GALNT18: variants seen among roughly 807,000 people sequenced by gnomAD.
GALNT18 encodes the protein GalNAc-transferase 18.
A neutral mutation model predicts 69.5 loss-of-function variants in GALNT18; 44 were observed. The ratio of observed to expected loss-of-function variants is 0.63; its 90% CI spans 0.50 to 0.81. GALNT18 has a LOEUF of 0.81. Ranked by LOEUF, GALNT18 falls within the 40% of genes least tolerant of loss-of-function variation. The probability of loss-of-function intolerance (pLI) is 0.00; values close to 1 mark genes in which losing one functional copy is unlikely to be tolerated. For synonymous variants in GALNT18, 364 were observed against 318.2 expected, an observed-to-expected ratio of 1.14 and a Z score of -1.53; for missense variants, 715 against 810.0, an observed-to-expected ratio of 0.88 and a Z score of 1.42.
intron 10 of GALNT18, among the ~76,000 whole-genome samples, chr11:11,275,438 C>T (rs1207211943): frequency 6.6e-6 from 1 of 151,986 alleles, no homozygotes; most frequent in Non-Finnish European, 1.5e-5. Context: ...GGATATTAGC[C>T]CTTTGTCAGA....
chr11:11,497,327 A>AACACACACACAC lies in GALNT18; in HGVS notation c.236-48403_236-48392dup, dbSNP rs61001797. Among the ~76,000 whole-genome samples, 5,853 of 132,188 alleles carry AACACACACACAC rather than the reference A, an allele frequency of 0.044. 191 individuals are homozygous for AACACACACACAC. The highest frequency in any genetic ancestry group is 0.052 in the Middle Eastern group (12 of 232). The allele number at this position is 132,188 out of a possible 152,430, so 86.7% of individuals were successfully genotyped here. A position where few individuals can be genotyped will look rare whatever the true frequency, so the allele number is the denominator to read the frequency against. On this transcript the variant is annotated intron_variant, in intron 1 of 10. Transcript: ENST00000227756. The surrounding 1 kb of genome is among the most constrained non-coding windows in gnomAD (Gnocchi z 4.2). ...TATTTATGTTTTACCTCCTGTCTCC[A>AACACACACACAC]ACACACACACACACACACACACACA...
chr11:11,554,080 T>A (rs1858268667), intron 1 of GALNT18, among the ~76,000 whole-genome samples: 4 of 152,122 alleles, frequency 2.6e-5, no homozygotes, highest in Admixed American at 2.0e-4. Flanking sequence ...TTCTGTTGAG[T>A]GATGCGTCCT....
intron 1 of GALNT18, among the ~76,000 whole-genome samples, chr11:11,502,982 C>T (rs1180784975): frequency 6.6e-6 from 1 of 152,170 alleles, no homozygotes; most frequent in Non-Finnish European, 1.5e-5. Context: ...CAGTTCCCGT[C>T]AAAATGTTTG....
At chr11:11,343,881 A>G (rs1157453587) in intron 6 of GALNT18, among the ~76,000 whole-genome samples, 2 of 152,162 alleles carry the variant, frequency 1.3e-5, no homozygotes, top group Non-Finnish European at 2.9e-5. Context: ...GGCTCCTCCC[A>G]TCGTGCCTTT....
chr11:11,385,505 C>T (rs1319182201), intron 3 of GALNT18, among the ~76,000 whole-genome samples: 1 of 152,116 alleles, frequency 6.6e-6, no homozygotes, highest in African/African-American at 2.4e-5. Context: ...CCATGTTAGC[C>T]AGGATGGTCT....
At position 11,563,975 on chromosome 11, in the gene GALNT18, T is replaced by C. The variant is rs1858580021; in HGVS notation, c.235+57384A>G. The stretch of plus-strand genomic sequence containing the variant: ...TATAAAGAGCTATGCTGATCTGACA[T>C]GATGGCTTGCTCCAACGCCCTAAAA... On this transcript the variant is annotated intron_variant, in intron 1 of 10. Transcript: ENST00000227756. The surrounding 1 kb of genome is among the most constrained non-coding windows in gnomAD (Gnocchi z 4.6). 1.3e-5 allele frequency among the ~76,000 whole-genome samples: 2 copies of C among 152,176 alleles called. No homozygotes were observed. The highest frequency in any genetic ancestry group is 4.8e-5 in the African/African-American group (2 of 41,452).
At chr11:11,361,717 G>A (rs1275428540) in intron 6 of GALNT18, among the ~76,000 whole-genome samples, 1 of 152,122 alleles carries the variant, frequency 6.6e-6, no homozygotes, top group Non-Finnish European at 1.5e-5. Flanking sequence ...TGACTGGTCT[G>A]TAAATTCAAA....
At chr11:11,466,908 G>C (rs1195907838) in intron 1 of GALNT18, among the ~76,000 whole-genome samples, 1 of 152,192 alleles carries the variant, frequency 6.6e-6, no homozygotes, top group Non-Finnish European at 1.5e-5. Context: ...GCAGATCAAT[G>C]AAAGGACCCA....
rs1006373488 is a variant in GALNT18, at chr11:11,500,301, G to A, written c.236-51365C>T. On this transcript the variant is annotated intron_variant, in intron 1 of 10. Coordinates refer to ENST00000227756, the MANE Select transcript of GALNT18 (RefSeq NM_198516.3). The surrounding 1 kb of genome is among the most constrained non-coding windows in gnomAD (Gnocchi z 5.0). ...CCTCCCGGGAGTCCCTAATACTGGC[G>A]GACAGAGATGGGTTTCAAATCCCAA... 6.6e-6 allele frequency among the ~76,000 whole-genome samples: 1 copy of A among 152,148 alleles called. No homozygotes were observed. Among genetic ancestry groups the A allele is most frequent in the African/African-American group, 2.4e-5 (1 of 41,422 alleles).
intron 10 of GALNT18, among the ~76,000 whole-genome samples, chr11:11,278,943 T>C (rs1028044071): frequency 1.3e-5 from 2 of 152,240 alleles, no homozygotes; most frequent in Non-Finnish European, 2.9e-5. Context: ...TATGCCTGTA[T>C]GACAGCATTA....
chr11:11,608,302 G>A (rs1222784538), intron 1 of GALNT18, among the ~76,000 whole-genome samples: 2 of 152,154 alleles, frequency 1.3e-5, no homozygotes, highest in African/African-American at 4.8e-5. Flanking sequence ...AAGGGAACTT[G>A]TTGTCCCCGG....
At chr11:11,428,613 C>G (rs1357508754) in intron 3 of GALNT18, among the ~76,000 whole-genome samples, 1 of 152,220 alleles carries the variant, frequency 6.6e-6, no homozygotes, top group Non-Finnish European at 1.5e-5. Flanking sequence ...TCTTCCTCCT[C>G]AGAGGCCCTG....
In GALNT18 at chr11:11,619,612, C is replaced by G. The variant is rs1486687949; in HGVS notation, c.235+1747G>C. 6.6e-6 allele frequency among the ~76,000 whole-genome samples: 1 copy of G among 152,164 alleles called. No individual in the cohort carries two copies. Among genetic ancestry groups the G allele is most frequent in the Non-Finnish European group, 1.5e-5 (1 of 68,030 alleles). ...CATTTTCCAGGAACACACACACACACAGAATCTGTGAATGAAAATCTCAAA... is the reference window on the plus strand; with the variant it reads ...CATTTTCCAGGAACACACACACACAGAGAATCTGTGAATGAAAATCTCAAA... On this transcript the variant is annotated intron_variant, in intron 1 of 10. Transcript: ENST00000227756. The surrounding 1 kb of genome is among the most constrained non-coding windows in gnomAD (Gnocchi z 4.9).
At chr11:11,283,529 T>C (rs556867794) in intron 10 of GALNT18, among the ~76,000 whole-genome samples, 1 of 152,120 alleles carries the variant, frequency 6.6e-6, no homozygotes, top group African/African-American at 2.4e-5. Flanking sequence ...GCACAGAGCA[T>C]TGGAGGAAGG....
rs769692189 is a variant in GALNT18 at position 11,621,607 on chromosome 11, C to T, written c.-14G>A. On this transcript the variant is annotated 5_prime_UTR_variant, in exon 1 of 11. Coordinates refer to ENST00000227756, the MANE Select transcript of GALNT18 (RefSeq NM_198516.3). The surrounding 1 kb of genome is among the most constrained non-coding windows in gnomAD (Gnocchi z 9.3). Reference sequence around the variant, plus strand: ...GGTGCACACCATTCTGGGCTCCTTCCTCCATATAGAGCTCCCGGGGGCCCT... The same window carrying T: ...GGTGCACACCATTCTGGGCTCCTTCTTCCATATAGAGCTCCCGGGGGCCCT... 1.2e-5 allele frequency: 19 copies of T among 1,560,646 alleles called. No homozygotes were observed. The highest frequency in any genetic ancestry group is 7.6e-5 in the Admixed American group (4 of 52,706).
chr11:11,476,085 G>A (rs924092428), intron 1 of GALNT18: 1 of 152,164 alleles, frequency 6.6e-6, no homozygotes, highest in Non-Finnish European at 1.5e-5. Flanking sequence ...TTCCCTTCTG[G>A]TCCCCTGAAG....
intron 2 of GALNT18, among the ~76,000 whole-genome samples, chr11:11,437,963 G>A (rs1378865751): frequency 5.3e-5 from 8 of 152,164 alleles, no homozygotes; most frequent in Admixed American, 5.2e-4. Context: ...TCCTGGTCCT[G>A]CTTTCTCCCC....
In GALNT18 at chr11:11,584,715, A is replaced by T. The variant is rs75573093; in HGVS notation, c.235+36644T>A. Among the ~76,000 whole-genome samples, 4,638 of 152,294 alleles carry T rather than the reference A, an allele frequency of 0.03. 220 individuals are homozygous for T. Among genetic ancestry groups the T allele is most frequent in the African/African-American group, 0.11 (4,380 of 41,534 alleles). ...ACTTCTGCTGCAGACTGAAGTATGAAGGTTGTCTCAAGAGAAAGAGCTTAT... is the reference window on the plus strand; with the variant it reads ...ACTTCTGCTGCAGACTGAAGTATGATGGTTGTCTCAAGAGAAAGAGCTTAT... On this transcript the variant is annotated intron_variant, in intron 1 of 10. Transcript: ENST00000227756. This position sits in a 1 kb window ranked among gnomAD's most constrained non-coding sequence, Gnocchi z 4.1.
rs1409980834 is a variant in GALNT18, at chr11:11,465,840, G to A, written c.236-16904C>T. ...TCAGCTATCTCTAGGGGAGGGGCTT[G>A]CACTGTCATACTGCTGAGTACTTCT... is the stretch of plus-strand genomic sequence containing the variant. On this transcript the variant is annotated intron_variant, in intron 1 of 10. Transcript: ENST00000227756. The surrounding 1 kb of genome is among the most constrained non-coding windows in gnomAD (Gnocchi z 5.7). 6.6e-6 allele frequency among the ~76,000 whole-genome samples: 1 copy of A among 152,112 alleles called. No homozygotes were observed. The highest frequency in any genetic ancestry group is 2.4e-5 in the African/African-American group (1 of 41,406).
Sources: allele counts gnomAD v4.1 joint callset (sites outside exome capture counted in the v4.1 genomes callset), GRCh38; gene constraint gnomAD v4.1.1; non-coding constraint Gnocchi (gnomAD v3.1); transcripts MANE v1.5; gene names NCBI Gene and HGNC (gene_info 2026-07-23, HGNC 2026-07-21).